DKKL1: variants seen among roughly 807,000 people sequenced by gnomAD.
DKKL1 encodes the protein dickkopf like acrosomal protein 1.
DKKL1 carries 11 observed loss-of-function variants against 16.5 expected under a neutral mutation model. The observed-to-expected ratio is 0.67, with a 90% CI of 0.42 to 1.10. The LOEUF is 1.10. DKKL1 is among the 50% of genes least tolerant of loss of function. The probability of loss-of-function intolerance (pLI) is 0.00; values close to 1 mark genes in which losing one functional copy is unlikely to be tolerated. For missense variants in DKKL1, 320 were observed against 308.1 expected (o/e 1.04, Z -0.29); for synonymous variants, 119 against 133.2 (o/e 0.89, Z 0.73).
upstream of DKKL1, chr19:49,363,530 A>G (rs1277589218): frequency 6.8e-6 from 2 of 292,974 alleles, no homozygotes; most frequent in Non-Finnish European, 1.3e-5. Flanking sequence ...GGCGTGGCCC[A>G]GTGCAGGGGC....
At chr19:49,361,680 GA>G (rs1440117845), upstream of DKKL1, 4 of 152,612 alleles carry the variant, frequency 2.6e-5, no homozygotes, top group Non-Finnish European at 5.9e-5. Context: ...CGGGAACAGG[GA>G]AAACTTTTTC....
upstream of DKKL1, among the ~76,000 whole-genome samples, chr19:49,362,752 G>C (rs894630784): frequency 2.8e-5 from 4 of 141,978 alleles, no homozygotes; most frequent in Non-Finnish European, 4.4e-5. Context: ...CGGCTGGAGA[G>C]AGATATGGGC....
chr19:49,363,201 G>A (rs191751157), upstream of DKKL1: 29 of 152,398 alleles, frequency 1.9e-4, no homozygotes, highest in African/African-American at 6.8e-4. Flanking sequence ...GAAAGGCTGC[G>A]TGTTCAAAAT....
chr19:49,366,462 C>A (rs1973254143), intron 4 of DKKL1, among the ~76,000 whole-genome samples: 2 of 151,030 alleles, frequency 1.3e-5, no homozygotes, highest in African/African-American at 4.9e-5. Context: ...ACATAATAGT[C>A]AATCAAAGTG....
intron 4 of DKKL1, among the ~76,000 whole-genome samples, chr19:49,374,147 G>A (rs1973628466): frequency 6.6e-6 from 1 of 151,980 alleles, no homozygotes; most frequent in Non-Finnish European, 1.5e-5. Context: ...ACCATGCCCG[G>A]CTAAATTTTT....
chr19:49,369,522 C>T (rs1222262105), intron 4 of DKKL1: 1 of 152,186 alleles, frequency 6.6e-6, no homozygotes, highest in Non-Finnish European at 1.5e-5. Flanking sequence ...CCGAGCTACT[C>T]TGTTCCTGGC....
upstream of DKKL1, chr19:49,363,795 G>A: frequency 2.9e-6 from 2 of 692,158 alleles, no homozygotes. Context: ...CCGGGCTCCT[G>A]GGTGAGGCCG....
chr19:49,363,613 A>C, upstream of DKKL1: 1 of 340,848 alleles, frequency 2.9e-6, no homozygotes, highest in Non-Finnish European at 5.7e-6. Context: ...ATCAGAGAAC[A>C]CCGCCAGGAC....
intron 4 of DKKL1, among the ~76,000 whole-genome samples, chr19:49,372,075 A>C (rs1473553402): frequency 6.6e-6 from 1 of 152,180 alleles, no homozygotes; most frequent in African/African-American, 2.4e-5. Context: ...TGCCATAATA[A>C]ACATGCATGT....
At chr19:49,372,619 G>A (rs113890882) in intron 4 of DKKL1, among the ~76,000 whole-genome samples, 3,478 of 151,058 alleles carry the variant, frequency 0.023, 150 homozygotes, top group African/African-American at 0.08. Flanking sequence ...GCGTGAACCC[G>A]GGAGGTGGAG....
At chr19:49,362,162 C>T (rs1358264631), upstream of DKKL1, among the ~76,000 whole-genome samples, 1 of 152,212 alleles carries the variant, frequency 6.6e-6, no homozygotes, top group African/African-American at 2.4e-5. Context: ...AAACTCAGAC[C>T]CAGCCGCAGG....
At chr19:49,373,392 T>C (rs1055226210) in intron 4 of DKKL1, among the ~76,000 whole-genome samples, 9 of 152,208 alleles carry the variant, frequency 5.9e-5, no homozygotes, top group Admixed American at 5.9e-4. Flanking sequence ...ATGACCCTAG[T>C]TCCAAATAAG....
At chr19:49,372,721 G>T (rs1450368110) in intron 4 of DKKL1, among the ~76,000 whole-genome samples, 1 of 151,502 alleles carries the variant, frequency 6.6e-6, no homozygotes, top group Non-Finnish European at 1.5e-5. Flanking sequence ...ACAAAGTATG[G>T]CCAGGAGTGG....
chr19:49,362,942 T>TG (rs1568588784), upstream of DKKL1: 1 of 145,544 alleles, frequency 6.9e-6, no homozygotes, highest in East Asian at 1.9e-4. Context: ...TTTGTTTTTT[T>TG]TTTTTTTTGA....
intron 1 of DKKL1, 70 bp downstream of exon 1, chr19:49,364,078 TG>T: frequency 6.3e-7 from 1 of 1,591,354 alleles, no homozygotes; most frequent in Non-Finnish European, 8.6e-7. Flanking sequence ...GGCCGGGTGC[TG>T]TGGCTTACGC....
intron 2 of DKKL1, 113 bp from the exon 3 acceptor site, chr19:49,365,396 G>T (rs1420489838): frequency 3.0e-6 from 4 of 1,318,142 alleles, no homozygotes; most frequent in Non-Finnish European, 4.0e-6. Flanking sequence ...AAAGTAAAGG[G>T]GATGGGAGGG....
intron 4 of DKKL1, among the ~76,000 whole-genome samples, chr19:49,367,406 CTTT>C (rs10648468): frequency 6.8e-5 from 9 of 131,782 alleles, no homozygotes; most frequent in Admixed American, 7.7e-5. Context: ...CTTTGGTAAA[CTTT>C]TTTTTTTTTT....
intron 4 of DKKL1, among the ~76,000 whole-genome samples, chr19:49,368,382 A>G (rs1440003823): frequency 1.3e-5 from 2 of 151,750 alleles, no homozygotes; most frequent in Non-Finnish European, 2.9e-5. Flanking sequence ...GCTACCCAGA[A>G]GCCTGAGGTG....
chr19:49,368,810 C>A (rs896331878), intron 4 of DKKL1: 3 of 152,052 alleles, frequency 2.0e-5, no homozygotes, highest in African/African-American at 7.2e-5. Flanking sequence ...GAAATAAGTA[C>A]CTTCTGTGTC....
Sources: gnomAD v4.1 joint callset for allele counts (sites outside exome capture counted in the v4.1 genomes callset) on GRCh38, gnomAD v4.1.1 for gene constraint, MANE v1.5 for transcripts, NCBI Gene and HGNC (gene_info 2026-07-23, HGNC 2026-07-21) for gene names.